TTYH3: variants seen among roughly 807,000 people sequenced by gnomAD.
The protein encoded by TTYH3 is protein tweety homolog 3.
TTYH3 carries 23 observed loss-of-function variants against 68.2 expected under a neutral mutation model. The observed-to-expected ratio is 0.34, with a 90% CI of 0.24 to 0.48. TTYH3 has a LOEUF of 0.48. Among genes scored for constraint, TTYH3 ranks in the 20% least tolerant of loss-of-function variants. TTYH3 has a pLI of 0.99. For synonymous variants in TTYH3, 360 were observed against 332.8 expected (o/e 1.08, Z -0.89); for missense variants, 768 against 727.7 (o/e 1.06, Z -0.64).
intron 8 of TTYH3, among the ~76,000 whole-genome samples, chr7:2,652,446 CT>C (rs1319222401): frequency 3.9e-5 from 6 of 152,208 alleles, no homozygotes; most frequent in African/African-American, 1.4e-4. Context: ...GGCTGAGAGC[CT>C]TTCGGGGGGA....
intron 1 of TTYH3, among the ~76,000 whole-genome samples, chr7:2,634,492 GTC>G (rs1785606727): frequency 6.6e-6 from 1 of 150,410 alleles, no homozygotes; most frequent in Admixed American, 6.7e-5. Flanking sequence ...CCTCTTAGCT[GTC>G]TCTGTGCTGC....
At chr7:2,656,672 C>G in intron 11 of TTYH3, 138 bp downstream of exon 11, 1 of 1,068,928 alleles carries the variant, frequency 9.4e-7, no homozygotes. Context: ...CGTGACCCTC[C>G]CTAGGCCTCT....
chr7:2,660,636 C>T (rs1052072647), intron 13 of TTYH3: 22 of 872,146 alleles, frequency 2.5e-5, no homozygotes, highest in Middle Eastern at 5.7e-4. Flanking sequence ...TGGCTCCTCC[C>T]CCCACCCCCT....
intron 1 of TTYH3, among the ~76,000 whole-genome samples, chr7:2,646,257 C>T (rs532145976): frequency 3.9e-5 from 6 of 152,260 alleles, no homozygotes; most frequent in African/African-American, 1.2e-4. Context: ...TCAGGTGATC[C>T]GCCCGCCTCG....
intron 1 of TTYH3, among the ~76,000 whole-genome samples, chr7:2,640,406 G>GC (rs1329445092): frequency 6.6e-6 from 1 of 151,852 alleles, no homozygotes. Flanking sequence ...GTGTGTGTGG[G>GC]GGGGGACGTG....
In TTYH3 at chr7:2,649,659, A is replaced by G. The variant is rs1391420082; in HGVS notation, c.795+20A>G. 3.8e-6 allele frequency: 6 copies of G among 1,589,342 alleles called. No homozygotes were observed. In the Admixed American group the frequency reaches 8.7e-5, roughly 23 times the overall value. On this transcript the variant is annotated intron_variant, in intron 6 of 13. Coordinates refer to ENST00000258796, the MANE Select transcript of TTYH3 (RefSeq NM_025250.3). Reference sequence around the variant, plus strand: ...TCCGTGGTGAGTGGCAGAGGGGGTGAGGTCCCCGGCTGCTGGACCTGGGCA... The same window carrying G: ...TCCGTGGTGAGTGGCAGAGGGGGTGGGGTCCCCGGCTGCTGGACCTGGGCA...
chr7:2,662,033 C>T lies in TTYH3; in HGVS notation c.*294C>T, dbSNP rs1341098370. 5.3e-6 allele frequency: 3 copies of T among 567,614 alleles called. No homozygotes were observed. The East Asian group carries it at 8.9e-5, about 17-fold the overall frequency. The allele number at this position is 567,614 out of a possible 1,614,324, so 35.2% of individuals were successfully genotyped here. On this transcript the variant is annotated 3_prime_UTR_variant, in exon 14 of 14. Transcript: ENST00000258796. ...GCTCCCTCTGCAGATGGTCGCCGCA[C>T]CTACAAGCCCTGGCCGCACCCAACC...
intron 1 of TTYH3, among the ~76,000 whole-genome samples, chr7:2,643,960 C>T (rs531302527): frequency 2.0e-5 from 3 of 152,270 alleles, no homozygotes; most frequent in African/African-American, 4.8e-5. Context: ...CATGTCCCAC[C>T]GGAGCACAGG....
chr7:2,650,245 G>A (rs886684401), intron 7 of TTYH3, among the ~76,000 whole-genome samples: 16 of 152,306 alleles, frequency 1.1e-4, no homozygotes, highest in Admixed American at 9.8e-4. Context: ...GGGCTGCTTC[G>A]AGTAGATGCC....
Position 2,648,069 on chromosome 7 carries a change from G to T in TTYH3, c.722+15G>T, listed in dbSNP as rs753870156. 1 of 1,603,366 alleles carries T rather than the reference G, an allele frequency of 6.2e-7. No individual in the cohort carries two copies. The highest frequency in any genetic ancestry group is 1.1e-5 in the South Asian group (1 of 90,870). ...ATCCTGGTGGGGTGAGTCTGGGGGT[G>T]TCGGCCCCCCGTGGGCCCAAAGCGG... On this transcript the variant is annotated intron_variant, in intron 5 of 13. Transcript: ENST00000258796.
intron 1 of TTYH3, among the ~76,000 whole-genome samples, chr7:2,643,496 C>T (rs2114980941): frequency 6.6e-6 from 1 of 152,372 alleles, no homozygotes; most frequent in South Asian, 2.1e-4. Flanking sequence ...TCCCTCACCA[C>T]CCTGCAGGCG....
At chr7:2,660,295 T>G in intron 13 of TTYH3, 2 of 985,364 alleles carry the variant, frequency 2.0e-6, no homozygotes, top group South Asian at 9.4e-5. Context: ...CTCTGGGGAC[T>G]CTGCCACAGC....
intron 1 of TTYH3, among the ~76,000 whole-genome samples, chr7:2,643,333 C>T (rs10273972): frequency 0.51 from 74,181 of 145,600 alleles, 21,298 homozygotes; most frequent in African/African-American, 0.79. Flanking sequence ...CCAGCCTGGG[C>T]GACAGAGCGA....
chr7:2,646,027 T>G (rs906010799), intron 1 of TTYH3: 2 of 336,898 alleles, frequency 5.9e-6, no homozygotes, highest in East Asian at 7.7e-5. Context: ...CACTTTTTTT[T>G]TTTTTAGACA....
intron 1 of TTYH3, among the ~76,000 whole-genome samples, chr7:2,633,729 G>T (rs1191116644): frequency 6.6e-6 from 1 of 152,236 alleles, no homozygotes; most frequent in African/African-American, 2.4e-5. Context: ...TGCCCTGAGG[G>T]TTTGGCCCAT....
At chr7:2,642,552 A>AG (rs1785875636) in intron 1 of TTYH3, among the ~76,000 whole-genome samples, 1 of 149,804 alleles carries the variant, frequency 6.7e-6, no homozygotes, top group Non-Finnish European at 1.5e-5. Context: ...AAAAAAAAAA[A>AG]AAAAAAAGAA....
rs1482268961 is a variant in TTYH3, at chr7:2,662,436, G to A, written c.*697G>A. 1.3e-5 allele frequency: 2 copies of A among 154,302 alleles called. No individual in the cohort carries two copies. Among genetic ancestry groups the A allele is most frequent in the Middle Eastern group, 3.1e-3 (1 of 324 alleles). The allele number at this position is 154,302 out of a possible 1,614,324, so 9.6% of individuals were successfully genotyped here. ...GGACAGCAGGGGCCACGTGGAGCCCGGGCCGCTCACCCGCCACCCAGTGCT... is the reference window on the plus strand; with the variant it reads ...GGACAGCAGGGGCCACGTGGAGCCCAGGCCGCTCACCCGCCACCCAGTGCT... On this transcript the variant is annotated 3_prime_UTR_variant, in exon 14 of 14. Transcript: ENST00000258796.
rs1478861881 is a variant in TTYH3, at chr7:2,645,190, AG to A, written c.124-1662del. ...CCATGATGAGGCGCAGCCCTGTATCAGCTCCCCATCCCTCCCCCGGCACAGG... is the reference window on the plus strand; with the variant it reads ...CCATGATGAGGCGCAGCCCTGTATCACTCCCCATCCCTCCCCCGGCACAGG... On this transcript the variant is annotated intron_variant, in intron 1 of 13. Coordinates refer to ENST00000258796, the MANE Select transcript of TTYH3 (RefSeq NM_025250.3). The surrounding 1 kb of genome is among the most constrained non-coding windows in gnomAD (Gnocchi z 4.8). Among the ~76,000 whole-genome samples, 2 of 152,154 alleles carry A rather than the reference AG, an allele frequency of 1.3e-5. No individual in the cohort carries two copies. Among genetic ancestry groups the A allele is most frequent in the East Asian group, 3.9e-4 (2 of 5,180 alleles).
At chr7:2,660,252 C>T in intron 13 of TTYH3, 2 of 985,440 alleles carry the variant, frequency 2.0e-6, no homozygotes, top group Middle Eastern at 5.2e-4. Flanking sequence ...TTGGCAAGTC[C>T]CCTTCCAGGC....
Sources: allele counts gnomAD v4.1 joint callset (sites outside exome capture counted in the v4.1 genomes callset), GRCh38; gene constraint gnomAD v4.1.1; non-coding constraint Gnocchi (gnomAD v3.1); transcripts MANE v1.5; gene names NCBI Gene and HGNC (gene_info 2026-07-23, HGNC 2026-07-21).